Variants in BICD2 observed in about 807,000 individuals in gnomAD.
BICD2 encodes BICD cargo adaptor 2.
In BICD2, 25 loss-of-function variants were observed where a neutral mutation model predicts 72.9. The observed-to-expected ratio is 0.34, with a 90% CI of 0.25 to 0.48. BICD2 has a LOEUF of 0.48. Among genes scored for constraint, BICD2 ranks in the 20% least tolerant of loss-of-function variants. The pLI is 0.99. For missense variants in BICD2, 894 were observed against 1,175.2 expected (o/e 0.76, Z 3.50); for synonymous variants, 501 against 516.1 (o/e 0.97, Z 0.40).
intron 1 of BICD2, among the ~76,000 whole-genome samples, chr9:92,743,224 A>G (rs1853932418): frequency 6.6e-6 from 1 of 151,798 alleles, no homozygotes; most frequent in South Asian, 2.1e-4. Flanking sequence ...ACAGGGTCTC[A>G]CTCTGTCACC....
At chr9:92,735,793 G>A (rs1399706247) in intron 1 of BICD2, among the ~76,000 whole-genome samples, 1 of 152,156 alleles carries the variant, frequency 6.6e-6, no homozygotes, top group Non-Finnish European at 1.5e-5. Context: ...CAGCACACTG[G>A]GTCTGGAGTC....
At chr9:92,741,630 C>A (rs1224324129) in intron 1 of BICD2, among the ~76,000 whole-genome samples, 1 of 151,892 alleles carries the variant, frequency 6.6e-6, no homozygotes, top group Admixed American at 6.6e-5. Flanking sequence ...GTAAATCTTA[C>A]CTGGATAGAT....
At position 92,764,822 on chromosome 9, in the gene BICD2, C is replaced by A. The variant is rs1295129709; in HGVS notation, c.-78G>T. 35 of 1,128,930 alleles carry A rather than the reference C, an allele frequency of 3.1e-5. No homozygotes were observed. The highest frequency in any genetic ancestry group is 2.2e-6 in the Non-Finnish European group (2 of 920,646). 69.9% of individuals were successfully genotyped at this position (1,128,930 alleles called of 1,614,324 possible). On this transcript the variant is annotated 5_prime_UTR_variant, in exon 1 of 7. Coordinates refer to ENST00000356884, the MANE Select transcript of BICD2 (RefSeq NM_001003800.2). The surrounding 1 kb of genome is among the most constrained non-coding windows in gnomAD (Gnocchi z 5.5). Reference sequence around the variant, plus strand: ...CCTCAGCCGCCGCCGCTGCCGCCGCCGCCGCCGCCCTGCCCCGACGGCCGC... The same window carrying A: ...CCTCAGCCGCCGCCGCTGCCGCCGCAGCCGCCGCCCTGCCCCGACGGCCGC...
intron 1 of BICD2, among the ~76,000 whole-genome samples, chr9:92,732,049 A>C (rs1431713854): frequency 1.3e-5 from 2 of 152,188 alleles, no homozygotes; most frequent in Non-Finnish European, 2.9e-5. Flanking sequence ...GAATACAAAA[A>C]CATCCATCTC....
At chr9:92,763,829 T>C (rs1195587475) in intron 1 of BICD2, among the ~76,000 whole-genome samples, 5 of 152,136 alleles carry the variant, frequency 3.3e-5, no homozygotes, top group Non-Finnish European at 7.4e-5. Flanking sequence ...GAAGTCATGC[T>C]AGCTGGTGGG....
chr9:92,716,654 G>A (rs1294365997), intron 6 of BICD2, among the ~76,000 whole-genome samples: 1 of 152,276 alleles, frequency 6.6e-6, no homozygotes, highest in Non-Finnish European at 1.5e-5. Flanking sequence ...TGACCCCATG[G>A]TGCTATCCCA....
chr9:92,729,855 G>A (rs766402437), intron 1 of BICD2, among the ~76,000 whole-genome samples: 11 of 152,360 alleles, frequency 7.2e-5, no homozygotes, highest in East Asian at 5.8e-4. Flanking sequence ...CAAGGGGCGC[G>A]GGGGCTGCAC....
chr9:92,755,159 C>T (rs564160686), intron 1 of BICD2, among the ~76,000 whole-genome samples: 18 of 152,272 alleles, frequency 1.2e-4, no homozygotes, highest in African/African-American at 3.6e-4. Context: ...CTCTTATGGT[C>T]GAGATTGCAG....
intron 1 of BICD2, among the ~76,000 whole-genome samples, chr9:92,736,649 A>G (rs1299578416): frequency 2.2e-4 from 33 of 152,198 alleles, no homozygotes; most frequent in Admixed American, 6.5e-5. Context: ...GCTTTACTCT[A>G]TGGACTCGCC....
At position 92,719,454 on chromosome 9, in the gene BICD2, C is replaced by T; in HGVS notation, c.1191G>A (p.Leu397=). 3 of 1,614,150 alleles carry T rather than the reference C, an allele frequency of 1.9e-6. No homozygotes were observed. The highest frequency in any genetic ancestry group is 2.5e-6 in the Non-Finnish European group (3 of 1,180,028). Residue 397 remains leucine, a synonymous_variant, in exon 5 of 7, where the codon CTG becomes CTA. Coordinates refer to ENST00000356884, the MANE Select transcript of BICD2 (RefSeq NM_001003800.2). ...VTRLTENLSA[L]RRLQASKERQ... is the part of the protein sequence containing the mutation. ...GCTCCTTGCTGGCCTGCAGGCGCCG[C>T]AGGGCACTCAGATTCTCTGTGAGGC...
At chr9:92,735,354 A>G (rs1853760535) in intron 1 of BICD2, among the ~76,000 whole-genome samples, 1 of 152,014 alleles carries the variant, frequency 6.6e-6, no homozygotes, top group Non-Finnish European at 1.5e-5. Context: ...TGGGTCTATC[A>G]AAAGTGGGGA....
intron 1 of BICD2, among the ~76,000 whole-genome samples, chr9:92,731,372 A>G (rs1016606685): frequency 2.6e-5 from 4 of 152,136 alleles, no homozygotes; most frequent in Non-Finnish European, 4.4e-5. Context: ...CTGGGGCCCA[A>G]AACACTCCTG....
chr9:92,718,688 G>A lies in BICD2; in HGVS notation c.1957C>T (p.Arg653Cys), dbSNP rs776027192. 8 of 1,614,126 alleles carry A rather than the reference G, an allele frequency of 5.0e-6. No individual in the cohort carries two copies. Among genetic ancestry groups the A allele is most frequent in the South Asian group, 3.3e-5 (3 of 91,088 alleles). ...AAVDRTTELSRQRIASQELGP... is the reference protein window; with the variant it reads ...AAVDRTTELSCQRIASQELGP... ...AGCTCCTGAGAGGCAATGCGCTGGC[G>A]TGACAGCTCCGTGGTGCGGTCCACG... The change falls in exon 5 of 7, where the codon CGC (arginine) becomes TGC (cysteine). Residue 653 changes from arginine to cysteine, a missense_variant. Transcript: ENST00000356884.
At position 92,718,632 on chromosome 9, in the gene BICD2, C is replaced by T. The variant is rs552216061; in HGVS notation, c.2013G>A (p.Ala671=). Residue 671 remains alanine (A), a synonymous_variant, in exon 5 of 7, where the codon GCG becomes GCA. Transcript: ENST00000356884. ...TCAGCTTGAGGATCTCCTCCATAAG[C>T]GCTTCCTTGTCCTTGTCCACGGCGG... is the stretch of plus-strand genomic sequence containing the variant. ...LGPAVDKDKE[A]LMEEILKLKS... 2.5e-5 allele frequency: 40 copies of T among 1,613,924 alleles called. No individual in the cohort carries two copies. Among genetic ancestry groups the T allele is most frequent in the African/African-American group, 4.0e-5 (3 of 75,064 alleles).
At chr9:92,742,501 C>T (rs1302187879) in intron 1 of BICD2, among the ~76,000 whole-genome samples, 6 of 151,964 alleles carry the variant, frequency 3.9e-5, no homozygotes, top group East Asian at 1.9e-4. Flanking sequence ...TCTCCTGCCT[C>T]GGCCTCCCGA....
chr9:92,764,826 G>GCCGCCA lies in BICD2; in HGVS notation c.-83_-82insTGGCGG. ...AGCCGCCGCCGCTGCCGCCGCCGCC[G>GCCGCCA]CCGCCCTGCCCCGACGGCCGCCCGC... is the stretch of plus-strand genomic sequence containing the variant. On this transcript the variant is annotated 5_prime_UTR_variant, in exon 1 of 7. Coordinates refer to ENST00000356884, the MANE Select transcript of BICD2 (RefSeq NM_001003800.2). This position sits in a 1 kb window ranked among gnomAD's most constrained non-coding sequence, Gnocchi z 5.5. 9.0e-7 allele frequency: 1 copy of GCCGCCA among 1,105,844 alleles called. No individual in the cohort carries two copies. Among genetic ancestry groups the GCCGCCA allele is most frequent in the Non-Finnish European group, 1.1e-6 (1 of 905,502 alleles). The allele number at this position is 1,105,844 out of a possible 1,614,324, so 68.5% of individuals were successfully genotyped here.
At chr9:92,723,828 A>G (rs1213610511) in intron 2 of BICD2, among the ~76,000 whole-genome samples, 1 of 152,154 alleles carries the variant, frequency 6.6e-6, no homozygotes, top group African/African-American at 2.4e-5. Context: ...AGAATTTCCA[A>G]CTTGCTGCCA....
chr9:92,728,233 G>A (rs1195874368), intron 2 of BICD2, among the ~76,000 whole-genome samples: 1 of 152,174 alleles, frequency 6.6e-6, no homozygotes, highest in Non-Finnish European at 1.5e-5. Flanking sequence ...ACAACTCCAG[G>A]GCCTTAGTGT....
rs925398641 is a variant in BICD2, at chr9:92,764,547, C to T, written c.198G>A (p.Val66=). The change falls in exon 1 of 7, where the codon GTG becomes GTA. Residue 66 remains valine (V), a synonymous_variant. Coordinates refer to ENST00000356884, the MANE Select transcript of BICD2 (RefSeq NM_001003800.2). This position sits in a 1 kb window ranked among gnomAD's most constrained non-coding sequence, Gnocchi z 5.5. ...TCTCGCTGCGGATAGCCTCATAGTC[C>T]ACCTCGAGCTCCTCGAACTGCAGCT... ...QLKLQFEELE[V]DYEAIRSEME... 4 of 1,546,146 alleles carry T rather than the reference C, an allele frequency of 2.6e-6. No homozygotes were observed. The South Asian group carries it at 3.6e-5, about 14-fold the overall frequency.
Sources: allele counts gnomAD v4.1 joint callset (sites outside exome capture counted in the v4.1 genomes callset), GRCh38; gene constraint gnomAD v4.1.1; non-coding constraint Gnocchi (gnomAD v3.1); transcripts MANE v1.5; gene names NCBI Gene and HGNC (gene_info 2026-07-23, HGNC 2026-07-21).